The following HS3ST4 variants were observed in gnomAD, a reference collection of about 807,000 sequenced individuals.
HS3ST4 encodes the protein heparan sulfate-glucosamine 3-sulfotransferase 4.
In HS3ST4, 17 loss-of-function variants were observed where a neutral mutation model predicts 29.2. The observed-to-expected ratio is 0.58, with a 90% confidence interval of 0.40 to 0.87. HS3ST4 has a LOEUF of 0.87. Ranked by LOEUF, HS3ST4 falls within the 40% of genes least tolerant of loss-of-function variation. The probability of loss-of-function intolerance (pLI) is 0.00; values close to 1 mark genes in which losing one functional copy is unlikely to be tolerated. For synonymous variants in HS3ST4, 314 were observed against 285.7 expected, an observed-to-expected ratio of 1.10 and a Z score of -1.00; for missense variants, 627 against 634.5, an observed-to-expected ratio of 0.99 and a Z score of 0.13.
intron 1 of HS3ST4, among the ~76,000 whole-genome samples, chr16:26,057,824 G>A (rs755038261): frequency 7.2e-5 from 11 of 152,194 alleles, no homozygotes; most frequent in Admixed American, 2.6e-4. Context: ...GGTCGTGCAG[G>A]TAGAGCTGAG....
At chr16:25,716,349 G>C (rs1440398255) in intron 1 of HS3ST4, among the ~76,000 whole-genome samples, 2 of 152,206 alleles carry the variant, frequency 1.3e-5, no homozygotes, top group Non-Finnish European at 2.9e-5. Flanking sequence ...GGCTGATGTG[G>C]CTTCATGAGG....
chr16:25,779,587 A>C (rs1470267936), intron 1 of HS3ST4, among the ~76,000 whole-genome samples: 3 of 152,160 alleles, frequency 2.0e-5, no homozygotes, highest in Non-Finnish European at 4.4e-5. Context: ...CTAACCTCAA[A>C]AGTGTCCCTT....
intron 1 of HS3ST4, among the ~76,000 whole-genome samples, chr16:25,795,040 C>A (rs916650808): frequency 4.0e-5 from 6 of 150,014 alleles, no homozygotes; most frequent in African/African-American, 1.5e-4. Flanking sequence ...GGCACAATCT[C>A]AGCTCACTGT....
chr16:25,791,064 T>A (rs1966868182), intron 1 of HS3ST4, among the ~76,000 whole-genome samples: 1 of 152,148 alleles, frequency 6.6e-6, no homozygotes, highest in Admixed American at 6.5e-5. Context: ...TGATTTTTTT[T>A]ATAAGGCATG....
intron 1 of HS3ST4, among the ~76,000 whole-genome samples, chr16:25,720,195 A>G (rs1966483485): frequency 6.6e-6 from 1 of 152,230 alleles, no homozygotes. Context: ...GAAGAAGGAC[A>G]TTCCAGCTGA....
chr16:26,016,161 G>A (rs4270178), intron 1 of HS3ST4, among the ~76,000 whole-genome samples: 65,783 of 152,002 alleles, frequency 0.43, 15,214 homozygotes, highest in South Asian at 0.67. Context: ...GAATTTTATC[G>A]TCTTGCATGC....
At chr16:25,807,962 A>G (rs149518037) in intron 1 of HS3ST4, among the ~76,000 whole-genome samples, 5 of 151,982 alleles carry the variant, frequency 3.3e-5, no homozygotes, top group South Asian at 2.1e-4. Context: ...TGTCTTGCGT[A>G]TATTTTCTAT....
chr16:26,062,764 C>T, intron 1 of HS3ST4: 1 of 225,442 alleles, frequency 4.4e-6, no homozygotes, highest in Non-Finnish European at 9.3e-6. Context: ...CTACGTACTT[C>T]CCAAGAATGT....
intron 1 of HS3ST4, among the ~76,000 whole-genome samples, chr16:26,129,394 C>CA (rs1899388799): frequency 6.6e-6 from 1 of 152,232 alleles, no homozygotes; most frequent in African/African-American, 2.4e-5. Flanking sequence ...GCTATGGTGT[C>CA]AGACAGACTT....
intron 1 of HS3ST4, among the ~76,000 whole-genome samples, chr16:25,790,062 T>G (rs1178415930): frequency 6.6e-6 from 1 of 152,192 alleles, no homozygotes; most frequent in Non-Finnish European, 1.5e-5. Context: ...ATATACACAT[T>G]CCTGTTGAGT....
At chr16:25,860,632 T>G (rs1967627022) in intron 1 of HS3ST4, among the ~76,000 whole-genome samples, 1 of 152,308 alleles carries the variant, frequency 6.6e-6, no homozygotes, top group East Asian at 1.9e-4. Flanking sequence ...GGCTACATAC[T>G]CTGTGATCTG....
At chr16:25,967,134 C>T (rs979346534) in intron 1 of HS3ST4, among the ~76,000 whole-genome samples, 2 of 152,130 alleles carry the variant, frequency 1.3e-5, no homozygotes, top group Admixed American at 1.3e-4. Flanking sequence ...CAATGCAAGA[C>T]ATGTATTCTA....
intron 1 of HS3ST4, among the ~76,000 whole-genome samples, chr16:26,013,743 C>A (rs1182834131): frequency 6.6e-6 from 1 of 152,160 alleles, no homozygotes; most frequent in African/African-American, 2.4e-5. Flanking sequence ...GGAGCGGTGG[C>A]TCATGCCTGT....
At chr16:25,788,135 C>T (rs8046887) in intron 1 of HS3ST4, among the ~76,000 whole-genome samples, 13,987 of 152,110 alleles carry the variant, frequency 0.092, 670 homozygotes, top group African/African-American at 0.11. Context: ...GATGCCAGGC[C>T]GGTGCAGTGG....
At position 26,136,479 on chromosome 16, in the gene HS3ST4, T is replaced by C. The variant is rs189324881; in HGVS notation, c.*231T>C. 1,030 of 571,778 alleles carry C rather than the reference T, an allele frequency of 1.8e-3. 3 individuals are homozygous for C. Among genetic ancestry groups the C allele is most frequent in the Middle Eastern group, 0.013 (28 of 2,166 alleles). 35.4% of individuals were successfully genotyped at this position (571,778 alleles called of 1,614,324 possible). On this transcript the variant is annotated 3_prime_UTR_variant, in exon 2 of 2. Transcript: ENST00000331351. ...GGGCAGCAGCATCTGGTTGACCAGA[T>C]GGCCACCAGAACCCACTGTTCATTC...
intron 1 of HS3ST4, among the ~76,000 whole-genome samples, chr16:25,720,322 G>T (rs542908623): frequency 6.6e-6 from 1 of 152,330 alleles, no homozygotes; most frequent in African/African-American, 2.4e-5. Flanking sequence ...AGCTAGATAG[G>T]TAGGAGCCAG....
chr16:25,980,097 C>T (rs1968989135), intron 1 of HS3ST4, among the ~76,000 whole-genome samples: 2 of 152,132 alleles, frequency 1.3e-5, no homozygotes, highest in Non-Finnish European at 1.5e-5. Context: ...CAAGTGTGGC[C>T]ATGTTTCTAA....
intron 1 of HS3ST4, among the ~76,000 whole-genome samples, chr16:25,893,188 G>A (rs949269210): frequency 6.6e-6 from 1 of 152,144 alleles, no homozygotes; most frequent in Admixed American, 6.5e-5. Context: ...AAGGAGACTA[G>A]GATGGCTGGG....
At chr16:26,079,984 T>C (rs1208196284) in intron 1 of HS3ST4, among the ~76,000 whole-genome samples, 1 of 152,164 alleles carries the variant, frequency 6.6e-6, no homozygotes, top group Non-Finnish European at 1.5e-5. Flanking sequence ...AGAGGTCCCA[T>C]TGATAGCCTG....
Sources: gnomAD v4.1 joint callset for allele counts (sites outside exome capture counted in the v4.1 genomes callset) on GRCh38, gnomAD v4.1.1 for gene constraint, MANE v1.5 for transcripts, NCBI Gene and HGNC (gene_info 2026-07-23, HGNC 2026-07-21) for gene names.